The following BIRC6 variants were observed in gnomAD, a reference collection of about 807,000 sequenced individuals.
BIRC6 encodes the protein baculoviral IAP repeat containing 6.
In BIRC6, 98 loss-of-function variants were observed where a neutral mutation model predicts 503.3. That is an observed-to-expected ratio of 0.19 (90% confidence interval 0.17 to 0.23). The LOEUF (loss-of-function observed/expected upper bound fraction) is 0.23, where lower values mean the gene tolerates loss of function less well. BIRC6 is among the 10% of genes least tolerant of loss of function. The pLI is 1.00. For missense variants in BIRC6, 5,360 were observed against 5,806.0 expected, an observed-to-expected ratio of 0.92 and a Z score of 2.50; for synonymous variants, 2,240 against 2,078.7, an observed-to-expected ratio of 1.08 and a Z score of -2.11.
intron 48 of BIRC6, 61 bp from the exon 49 acceptor site, chr2:32,502,981 C>T (rs549016613): frequency 2.2e-4 from 330 of 1,516,174 alleles, no homozygotes; most frequent in South Asian, 4.6e-4. Context: ...TGGAAGTTTA[C>T]TTTTGATGTT....
intron 31 of BIRC6, among the ~76,000 whole-genome samples, chr2:32,470,664 G>C (rs2049005778): frequency 6.6e-6 from 1 of 152,104 alleles, no homozygotes; most frequent in African/African-American, 2.4e-5. Flanking sequence ...ACCTAGTTTA[G>C]TGCTATATGA....
In BIRC6 at chr2:32,415,085, G is replaced by T; in HGVS notation, c.1794G>T (p.Gln598His). ...HRSLDGLSRT[Q>H]GESISEQGST... ...CACTGGATGGTTTAAGCAGAACTCA[G>T]GGTGAAAGTATATCAGAACAAGGGT... Residue 598 changes from glutamine (Q) to histidine (H), a missense_variant, in exon 10 of 74, where the codon CAG (glutamine) becomes CAT (histidine). By Grantham distance (24) the Gln-to-His change is conservative. Around this residue, in one of 16 missense-constraint regions of BIRC6, gnomAD observed 700 missense variants for 739.3 expected, o/e 0.95. Coordinates refer to ENST00000421745, the MANE Select transcript of BIRC6 (RefSeq NM_016252.4). 1 of 1,613,862 alleles carries T rather than the reference G, an allele frequency of 6.2e-7. No homozygotes were observed. The highest frequency in any genetic ancestry group is 1.7e-5 in the Admixed American group (1 of 60,020).
intron 1 of BIRC6, among the ~76,000 whole-genome samples, chr2:32,369,945 A>AAAAATATAT (rs1553373676): frequency 2.3e-5 from 1 of 44,216 alleles, no homozygotes; most frequent in Non-Finnish European, 3.6e-5. Flanking sequence ...AAAAAAAAAA[A>AAAAATATAT]ATATATATAT....
intron 55 of BIRC6, among the ~76,000 whole-genome samples, chr2:32,517,988 G>A (rs1046171438): frequency 3.3e-5 from 5 of 151,154 alleles, no homozygotes; most frequent in South Asian, 4.2e-4. Context: ...TGTGCAAACC[G>A]TTTAGTACTA....
intron 61 of BIRC6, among the ~76,000 whole-genome samples, chr2:32,539,072 TA>T (rs1237636266): frequency 6.6e-6 from 1 of 152,224 alleles, no homozygotes; most frequent in East Asian, 1.9e-4. Context: ...CCCTATTTTT[TA>T]ATGTATCACA....
intron 65 of BIRC6, among the ~76,000 whole-genome samples, chr2:32,555,668 A>C (rs1044473146): frequency 6.6e-6 from 1 of 151,594 alleles, no homozygotes; most frequent in African/African-American, 2.4e-5. Flanking sequence ...CTATCAGATT[A>C]TTCTACTAAT....
intron 9 of BIRC6, among the ~76,000 whole-genome samples, chr2:32,412,032 A>C (rs1432943994): frequency 6.6e-6 from 1 of 151,888 alleles, no homozygotes; most frequent in Non-Finnish European, 1.5e-5. Context: ...GGATCCTTCC[A>C]CCTCAGCCTC....
intron 1 of BIRC6, among the ~76,000 whole-genome samples, chr2:32,362,911 C>T (rs1260851696): frequency 1.3e-5 from 2 of 152,048 alleles, no homozygotes; most frequent in East Asian, 1.9e-4. Context: ...TCCTTATTTG[C>T]AAAATGAGGA....
chr2:32,378,260 A>G lies in BIRC6; in HGVS notation c.507+491A>G, dbSNP rs1005695378. Among the ~76,000 whole-genome samples the G allele has an allele frequency of 9.9e-5, 15 of 151,320 alleles. 1 individual carries two copies. The highest frequency in any genetic ancestry group is 1.9e-4 in the East Asian group (1 of 5,138). Reference sequence around the variant, plus strand: ...CCCTTAACCCCCAGCCCCCTCTCCTACTCATTTGTTCTTGTTCTCTTTCTG... The same window carrying G: ...CCCTTAACCCCCAGCCCCCTCTCCTGCTCATTTGTTCTTGTTCTCTTTCTG... On this transcript the variant is annotated intron_variant, in intron 2 of 73. Transcript: ENST00000421745.
At chr2:32,552,880 T>G (rs991841394) in intron 65 of BIRC6, among the ~76,000 whole-genome samples, 1 of 149,666 alleles carries the variant, frequency 6.7e-6, no homozygotes, top group Non-Finnish European at 1.5e-5. Context: ...ATATTTATAT[T>G]TATGTTTACT....
chr2:32,507,034 T>C (rs886546440), intron 50 of BIRC6, among the ~76,000 whole-genome samples: 5 of 152,164 alleles, frequency 3.3e-5, no homozygotes, highest in Non-Finnish European at 7.4e-5. Context: ...TGGGGTTCCA[T>C]GTTAAGCTAG....
rs2048181009 is a variant in BIRC6 at position 32,463,115 on chromosome 2, AT to A, written c.4754-76del. On this transcript the variant is annotated intron_variant, in intron 23 of 73. Coordinates refer to ENST00000421745, the MANE Select transcript of BIRC6 (RefSeq NM_016252.4). ...TTTAGCATCATAATAGTGCCAAAAT[AT>A]TTGAACATGTTTTGTCTTTAACCTT... The A allele has an allele frequency of 7.3e-6, 9 of 1,238,948 alleles. 1 individual carries two copies. In the South Asian group the frequency reaches 1.3e-4, roughly 18 times the overall value. 76.7% of individuals were successfully genotyped at this position (1,238,948 alleles called of 1,614,324 possible). A position where few individuals can be genotyped will look rare whatever the true frequency, so the allele number is the denominator to read the frequency against.
intron 55 of BIRC6, among the ~76,000 whole-genome samples, chr2:32,516,651 G>A (rs1267751353): frequency 6.7e-6 from 1 of 149,976 alleles, no homozygotes; most frequent in African/African-American, 2.5e-5. Context: ...TAATAAGCTG[G>A]GTGTGGTGGA....
intron 16 of BIRC6, among the ~76,000 whole-genome samples, chr2:32,440,540 C>G (rs544860200): frequency 6.6e-6 from 1 of 152,132 alleles, no homozygotes; most frequent in African/African-American, 2.4e-5. Flanking sequence ...TGATACTGAT[C>G]AGTAATACCA....
chr2:32,574,509 A>T (rs938335121), intron 65 of BIRC6: 2 of 152,564 alleles, frequency 1.3e-5, no homozygotes, highest in African/African-American at 2.4e-5. Flanking sequence ...CACATTTTGG[A>T]TGTTGTATGT....
At chr2:32,435,606 G>C (rs2044607735) in intron 14 of BIRC6, 21 bp downstream of exon 14, 1 of 1,545,656 alleles carries the variant, frequency 6.5e-7, no homozygotes, top group Non-Finnish European at 8.7e-7. Flanking sequence ...TTATAGAGCT[G>C]TTGTCCATGA....
intron 40 of BIRC6, among the ~76,000 whole-genome samples, chr2:32,486,159 A>G (rs1337982074): frequency 6.6e-6 from 1 of 152,230 alleles, no homozygotes; most frequent in East Asian, 1.9e-4. Flanking sequence ...GATAGAGAAT[A>G]TAGTGTAGGA....
Position 32,518,297 on chromosome 2 carries a change from T to G in BIRC6, c.11393T>G (p.Leu3798Arg), listed in dbSNP as rs147597327. The change falls in exon 56 of 74, where the codon CTT (leucine) becomes CGT (arginine). Residue 3798 changes from leucine (L) to arginine (R), a missense_variant. This residue lies in a region of BIRC6 where 878 missense variants were observed against 928.9 expected (regional missense o/e 0.95). Coordinates refer to ENST00000421745, the MANE Select transcript of BIRC6 (RefSeq NM_016252.4). The part of the protein sequence containing the change: ...LFQTSPQRGN[L>R]PTSGNISGFI... ...CAGACATCTCCTCAAAGAGGGAACCTTCCAACATCTGGGAACATTTCAGGG... is the reference window on the plus strand; with the variant it reads ...CAGACATCTCCTCAAAGAGGGAACCGTCCAACATCTGGGAACATTTCAGGG... 5.7e-5 allele frequency: 92 copies of G among 1,613,022 alleles called. No individual in the cohort carries two copies. Among genetic ancestry groups the G allele is most frequent in the Non-Finnish European group, 7.0e-5 (82 of 1,179,618 alleles).
In BIRC6 at chr2:32,529,730, C is replaced by T. The variant is rs757971033; in HGVS notation, c.12000C>T (p.Arg4000=). The change falls in exon 60 of 74, where the codon CGC becomes CGT. Residue 4000 remains arginine (R), a synonymous_variant. Coordinates refer to ENST00000421745, the MANE Select transcript of BIRC6 (RefSeq NM_016252.4). Reference sequence around the variant, plus strand: ...ACCGAAAACTTCCTCAGGGTTACCGCTCAATAGATCTGACTGTTAAATTGG... The same window carrying T: ...ACCGAAAACTTCCTCAGGGTTACCGTTCAATAGATCTGACTGTTAAATTGG... ...LYDRKLPQGY[R]SIDLTVKLGS... 1.2e-6 allele frequency: 2 copies of T among 1,613,662 alleles called. No individual in the cohort carries two copies. Among genetic ancestry groups the T allele is most frequent in the Non-Finnish European group, 1.7e-6 (2 of 1,179,682 alleles).
Sources: allele counts gnomAD v4.1 joint callset (sites outside exome capture counted in the v4.1 genomes callset), GRCh38; gene constraint gnomAD v4.1.1; regional missense constraint gnomAD v4.1.1; transcripts MANE v1.5; gene names NCBI Gene and HGNC (gene_info 2026-07-23, HGNC 2026-07-21).